The following EIF2A variants were observed in gnomAD, a reference collection of about 807,000 sequenced individuals.
EIF2A encodes eukaryotic translation initiation factor 2A, also known as 65 kDa eukaryotic translation initiation factor 2A.
EIF2A carries 62 observed loss-of-function variants against 75.2 expected under a neutral mutation model. The observed-to-expected ratio is 0.82, with a 90% CI of 0.67 to 1.02. The LOEUF (loss-of-function observed/expected upper bound fraction) is 1.02, where lower values mean the gene tolerates loss of function less well. Ranked by LOEUF, EIF2A falls within the 50% of genes least tolerant of loss-of-function variation. EIF2A has a pLI of 0.00. For synonymous variants in EIF2A, 207 were observed against 239.0 expected, an observed-to-expected ratio of 0.87 and a Z score of 1.23; for missense variants, 611 against 677.7, an observed-to-expected ratio of 0.90 and a Z score of 1.09.
In EIF2A at chr3:150,567,731, G is replaced by C. The variant is rs1250412517; in HGVS notation, c.514G>C (p.Asp172His). The C allele has an allele frequency of 6.4e-7, 1 of 1,555,626 alleles. No homozygotes were observed. The highest frequency in any genetic ancestry group is 8.7e-7 in the Non-Finnish European group (1 of 1,148,888). ...ANKLHLQKIN[D>H]FVLSPGPQPY... ...TAAATTGCATTTGCAAAAAATTAAT[G>C]ATTTTGTATTATCACCTGGACCCCA... Residue 172 changes from aspartate to histidine, a missense_variant, in exon 7 of 14, where the codon GAT becomes CAT. Coordinates refer to ENST00000460851, the MANE Select transcript of EIF2A (RefSeq NM_032025.5).
chr3:150,553,254 T>G (rs1576587658), intron 2 of EIF2A, among the ~76,000 whole-genome samples: 1 of 136,600 alleles, frequency 7.3e-6, no homozygotes, highest in Non-Finnish European at 1.5e-5. Context: ...AACCCGGAGG[T>G]GGAGGTTGCA....
chr3:150,579,267 C>T (rs1175203028), intron 11 of EIF2A, among the ~76,000 whole-genome samples: 1 of 152,076 alleles, frequency 6.6e-6, no homozygotes, highest in Non-Finnish European at 1.5e-5. Context: ...AAATATAAAA[C>T]TGCCTATTAC....
chr3:150,553,179 G>T (rs1723398155), intron 2 of EIF2A, among the ~76,000 whole-genome samples: 1 of 152,024 alleles, frequency 6.6e-6, no homozygotes, highest in Admixed American at 6.6e-5. Flanking sequence ...TTAGCCGGGT[G>T]TGGGGGCAGG....
At chr3:150,582,375 C>T (rs547806712) in intron 12 of EIF2A, among the ~76,000 whole-genome samples, 7 of 150,958 alleles carry the variant, frequency 4.6e-5, no homozygotes, top group South Asian at 2.1e-4. Flanking sequence ...AATGCAGTGG[C>T]GCGATCTCGG....
intron 3 of EIF2A, among the ~76,000 whole-genome samples, chr3:150,561,213 C>T (rs1374637848): frequency 6.6e-6 from 1 of 152,224 alleles, no homozygotes; most frequent in Non-Finnish European, 1.5e-5. Context: ...GTCCTCCCAC[C>T]TCAGCCTCCC....
chr3:150,547,387 C>T (rs773418980), intron 1 of EIF2A, among the ~76,000 whole-genome samples: 3 of 152,122 alleles, frequency 2.0e-5, no homozygotes, highest in African/African-American at 4.8e-5. Context: ...TAGAGATATT[C>T]TAGCAACATT....
At chr3:150,564,505 C>T (rs911853096) in intron 6 of EIF2A, 124 bp downstream of exon 6, 11 of 613,710 alleles carry the variant, frequency 1.8e-5, no homozygotes, top group Non-Finnish European at 2.8e-5. Flanking sequence ...ATTACTCTTA[C>T]ATACATTTGC....
chr3:150,571,969 C>A lies in EIF2A; in HGVS notation c.823C>A (p.Pro275Thr), dbSNP rs1186186671. The change falls in exon 10 of 14, where the codon CCC (proline) becomes ACC (threonine). Residue 275 changes from proline (P) to threonine (T), a missense_variant. Coordinates refer to ENST00000460851, the MANE Select transcript of EIF2A (RefSeq NM_032025.5). ...SAVVQLPKNG[P>T]IYDVVWNSSS... Reference sequence around the variant, plus strand: ...TATTCTTTTTCTAGCAAAAAATGGCCCCATTTATGATGTAGTTTGGAATTC... The same window carrying A: ...TATTCTTTTTCTAGCAAAAAATGGCACCATTTATGATGTAGTTTGGAATTC... 1.9e-6 allele frequency: 3 copies of A among 1,595,786 alleles called. No homozygotes were observed. The highest frequency in any genetic ancestry group is 2.6e-6 in the Non-Finnish European group (3 of 1,172,270).
At chr3:150,576,735 C>T in intron 11 of EIF2A, among the ~76,000 whole-genome samples, 1 of 152,108 alleles carries the variant, frequency 6.6e-6, no homozygotes, top group Admixed American at 6.5e-5. Flanking sequence ...ACTAGAAAGC[C>T]ATTTGGGCAC....
chr3:150,548,137 A>G (rs914038669), intron 1 of EIF2A, among the ~76,000 whole-genome samples: 1 of 152,046 alleles, frequency 6.6e-6, no homozygotes, highest in Non-Finnish European at 1.5e-5. Flanking sequence ...TTGCCATCCC[A>G]TCTTATTTGG....
At chr3:150,566,101 G>A (rs1261717453) in intron 6 of EIF2A, 1 of 152,012 alleles carries the variant, frequency 6.6e-6, no homozygotes. Flanking sequence ...GGCCTTTTTA[G>A]TCCCATTCTT....
intron 13 of EIF2A, among the ~76,000 whole-genome samples, chr3:150,583,562 G>A (rs1725309935): frequency 6.6e-6 from 1 of 152,114 alleles, no homozygotes; most frequent in Admixed American, 6.5e-5. Flanking sequence ...CTCTCAAGTT[G>A]TACTGCCCTG....
At position 150,564,388 on chromosome 3, in the gene EIF2A, A is replaced by T. The variant is rs1391515580; in HGVS notation, c.475+7A>T. ...TTTGAAAACAACAATTTTAGTATGG[A>T]AAGATTTATGACATAATTTTATTAC... On this transcript the variant is annotated splice_region_variant and intron_variant, in intron 6 of 13. Coordinates refer to ENST00000460851, the MANE Select transcript of EIF2A (RefSeq NM_032025.5). 1.9e-6 allele frequency: 3 copies of T among 1,577,954 alleles called. No individual in the cohort carries two copies. The South Asian group carries it at 3.6e-5, about 19-fold the overall frequency.
In EIF2A at chr3:150,584,895, A is replaced by G. The variant is rs1725386280; in HGVS notation, c.*984A>G. On this transcript the variant is annotated 3_prime_UTR_variant, in exon 14 of 14. Transcript: ENST00000460851. Reference sequence around the variant, plus strand: ...GACTTTTTTTTTTCTAATTCAAAAAATACAAAGGCATGCAATGAAAATTAA... The same window carrying G: ...GACTTTTTTTTTTCTAATTCAAAAAGTACAAAGGCATGCAATGAAAATTAA... Among the ~76,000 whole-genome samples the G allele has an allele frequency of 6.6e-6, 1 of 152,132 alleles. No homozygotes were observed. Among genetic ancestry groups the G allele is most frequent in the African/African-American group, 2.4e-5 (1 of 41,420 alleles).
chr3:150,563,403 T>G, intron 4 of EIF2A, 112 bp from the exon 5 acceptor site: 1 of 812,270 alleles, frequency 1.2e-6, no homozygotes, highest in Non-Finnish European at 1.9e-6. Flanking sequence ...GAGGCAAGCT[T>G]TCATGATTTA....
chr3:150,557,664 G>T (rs1007991700), intron 2 of EIF2A: 1 of 368,640 alleles, frequency 2.7e-6, no homozygotes, highest in Non-Finnish European at 5.4e-6. Flanking sequence ...CTCCCAAACT[G>T]CTGGGATTAC....
chr3:150,564,735 A>T (rs911069313), intron 6 of EIF2A: 1 of 187,326 alleles, frequency 5.3e-6, no homozygotes, highest in Non-Finnish European at 1.1e-5. Context: ...CTTGTGGCCA[A>T]TCTTATCTCA....
At chr3:150,581,550 C>T (rs2107977580) in intron 11 of EIF2A, 68 bp from the exon 12 acceptor site, 1 of 1,505,950 alleles carries the variant, frequency 6.6e-7, no homozygotes, top group South Asian at 1.3e-5. Flanking sequence ...TATGCCAAAG[C>T]TATGTTGATT....
chr3:150,578,184 C>T (rs1724976909), intron 11 of EIF2A, among the ~76,000 whole-genome samples: 1 of 151,688 alleles, frequency 6.6e-6, no homozygotes, highest in Non-Finnish European at 1.5e-5. Flanking sequence ...GTTTCTTCCA[C>T]TTTATCAAAA....
Sources: allele counts gnomAD v4.1 joint callset (sites outside exome capture counted in the v4.1 genomes callset), GRCh38; gene constraint gnomAD v4.1.1; transcripts MANE v1.5; gene names NCBI Gene and HGNC (gene_info 2026-07-23, HGNC 2026-07-21).